The following COX7B2 variants were observed in gnomAD, a reference collection of about 807,000 sequenced individuals.
The protein encoded by COX7B2 is cytochrome c oxidase subunit 7B2, mitochondrial.
For synonymous variants in COX7B2, 37 were observed against 32.1 expected, an observed-to-expected ratio of 1.15 and a Z score of -0.51; for missense variants, 109 against 95.9, an observed-to-expected ratio of 1.14 and a Z score of -0.57.
At chr4:46,767,806 C>A (rs1044217753) in intron 2 of COX7B2, among the ~76,000 whole-genome samples, 4 of 152,084 alleles carry the variant, frequency 2.6e-5, no homozygotes, top group Non-Finnish European at 5.9e-5. Context: ...AAACAACATA[C>A]CAAAACTTCT....
intron 2 of COX7B2, among the ~76,000 whole-genome samples, chr4:46,831,891 C>T (rs1190304282): frequency 6.6e-6 from 1 of 152,144 alleles, no homozygotes; most frequent in Non-Finnish European, 1.5e-5. Flanking sequence ...CACCAATGGG[C>T]ACTCTGTATC....
At chr4:46,780,934 AT>A (rs1332167217) in intron 2 of COX7B2, among the ~76,000 whole-genome samples, 3 of 152,204 alleles carry the variant, frequency 2.0e-5, no homozygotes, top group African/African-American at 7.2e-5. Flanking sequence ...CACTTCACAA[AT>A]CATTAACATT....
chr4:46,770,878 GA>G (rs1156364647), intron 2 of COX7B2, among the ~76,000 whole-genome samples: 2 of 151,990 alleles, frequency 1.3e-5, no homozygotes, highest in Non-Finnish European at 2.9e-5. Flanking sequence ...ACTACTAAAG[GA>G]AACATAAAGA....
At chr4:46,765,825 C>T (rs1396152739) in intron 2 of COX7B2, among the ~76,000 whole-genome samples, 1 of 151,920 alleles carries the variant, frequency 6.6e-6, no homozygotes, top group Non-Finnish European at 1.5e-5. Flanking sequence ...CAGGCCAGCC[C>T]ATATGGCCCC....
intron 2 of COX7B2, among the ~76,000 whole-genome samples, chr4:46,816,273 C>G (rs1719546816): frequency 6.6e-6 from 1 of 152,068 alleles, no homozygotes. Context: ...ATTTCTTTGC[C>G]ATCGTTAACA....
At chr4:46,863,321 AC>A (rs1384577731) in intron 1 of COX7B2, among the ~76,000 whole-genome samples, 2 of 152,186 alleles carry the variant, frequency 1.3e-5, no homozygotes, top group Admixed American at 6.5e-5. Context: ...GTCCTAGAGA[AC>A]AACTGGTTAT....
intron 2 of COX7B2, among the ~76,000 whole-genome samples, chr4:46,800,876 C>T (rs147221442): frequency 6.6e-6 from 1 of 152,224 alleles, no homozygotes; most frequent in East Asian, 1.9e-4. Flanking sequence ...CAACAAAGGT[C>T]TAAGCCCAGA....
chr4:46,834,870 A>G (rs1166817521), intron 2 of COX7B2, among the ~76,000 whole-genome samples: 7 of 152,148 alleles, frequency 4.6e-5, no homozygotes, highest in Non-Finnish European at 2.9e-5. Context: ...GAAAAATATC[A>G]AAACACAAAC....
intron 1 of COX7B2, among the ~76,000 whole-genome samples, chr4:46,846,609 C>T (rs1716295302): frequency 6.6e-6 from 1 of 151,788 alleles, no homozygotes; most frequent in Non-Finnish European, 1.5e-5. Context: ...GAGAGGGTAC[C>T]TGAGCTGCTC....
chr4:46,896,152 G>A (rs971329495), intron 1 of COX7B2, among the ~76,000 whole-genome samples: 44 of 152,186 alleles, frequency 2.9e-4, no homozygotes, highest in Middle Eastern at 3.4e-3. Context: ...TACTTACTGC[G>A]TATACCTGAG....
At chr4:46,849,318 T>G (rs534240859) in intron 1 of COX7B2, among the ~76,000 whole-genome samples, 1 of 152,228 alleles carries the variant, frequency 6.6e-6, no homozygotes, top group South Asian at 2.1e-4. Flanking sequence ...CTCTCAGTAA[T>G]ATCTCTGACA....
At chr4:46,835,060 A>C (rs1286096035) in intron 2 of COX7B2, among the ~76,000 whole-genome samples, 1 of 152,236 alleles carries the variant, frequency 6.6e-6, no homozygotes, top group Non-Finnish European at 1.5e-5. Context: ...ATAAAAGTTA[A>C]GACCTTTTTT....
chr4:46,855,950 TA>T (rs1716987106), intron 1 of COX7B2, among the ~76,000 whole-genome samples: 1 of 152,062 alleles, frequency 6.6e-6, no homozygotes, highest in African/African-American at 2.4e-5. Flanking sequence ...AATATTTATT[TA>T]AAAAATCCCT....
In COX7B2 at chr4:46,752,287, G is replaced by C. The variant is rs547154203; in HGVS notation, c.-49-17046C>G. Among the ~76,000 whole-genome samples the C allele has an allele frequency of 1.1e-4, 17 of 151,590 alleles. No individual in the cohort carries two copies. In the East Asian group the frequency reaches 3.1e-3, roughly 28 times the overall value. On this transcript the variant is annotated intron_variant, in intron 2 of 2. Coordinates refer to ENST00000355591, the MANE Select transcript of COX7B2 (RefSeq NM_130902.3). ...TGATTTTGTATCCTGAGACTTTGCT[G>C]AAGTTGCTTATCAGCTTAAGGAGAT...
intron 1 of COX7B2, among the ~76,000 whole-genome samples, chr4:46,894,114 A>G (rs1719605521): frequency 6.6e-6 from 1 of 152,220 alleles, no homozygotes; most frequent in African/African-American, 2.4e-5. Flanking sequence ...AGTCAATGCT[A>G]TTCCCATCAA....
chr4:46,887,822 A>T (rs1275955765), intron 1 of COX7B2, among the ~76,000 whole-genome samples: 1 of 151,742 alleles, frequency 6.6e-6, no homozygotes, highest in Non-Finnish European at 1.5e-5. Context: ...CTATTCCCCC[A>T]AACTCCCTCA....
chr4:46,790,427 G>A (rs1717976509), intron 2 of COX7B2, among the ~76,000 whole-genome samples: 1 of 152,122 alleles, frequency 6.6e-6, no homozygotes, highest in Non-Finnish European at 1.5e-5. Context: ...TGAGCAATAA[G>A]TCTGGTCACT....
At chr4:46,814,188 G>A (rs552642558) in intron 2 of COX7B2, among the ~76,000 whole-genome samples, 3 of 152,172 alleles carry the variant, frequency 2.0e-5, no homozygotes, top group Non-Finnish European at 4.4e-5. Flanking sequence ...AAGGAAATCG[G>A]TATATTAAAG....
intron 1 of COX7B2, among the ~76,000 whole-genome samples, chr4:46,865,708 G>C (rs750350581): frequency 6.6e-6 from 1 of 152,152 alleles, no homozygotes; most frequent in East Asian, 1.9e-4. Context: ...ACCTAATTCA[G>C]TGTGGGTGGG....
Sources: allele counts gnomAD v4.1 joint callset (sites outside exome capture counted in the v4.1 genomes callset), GRCh38; gene constraint gnomAD v4.1.1; transcripts MANE v1.5; gene names NCBI Gene and HGNC (gene_info 2026-07-23, HGNC 2026-07-21).